The following FHL2 variants were observed in gnomAD, a reference collection of about 807,000 sequenced individuals.
FHL2 encodes four and a half LIM domains 2.
In FHL2, 20 loss-of-function variants were observed where a neutral mutation model predicts 32.7. That is an observed-to-expected ratio of 0.61 (90% CI 0.43 to 0.89). The LOEUF (loss-of-function observed/expected upper bound fraction) is 0.89, where lower values mean the gene tolerates loss of function less well. Ranked by LOEUF, FHL2 falls within the 40% of genes least tolerant of loss-of-function variation. The pLI, the probability that FHL2 is intolerant of heterozygous loss-of-function variation, is 0.00. For synonymous variants in FHL2, 123 were observed against 128.1 expected, an observed-to-expected ratio of 0.96 and a Z score of 0.27; for missense variants, 311 against 358.6, an observed-to-expected ratio of 0.87 and a Z score of 1.07.
At chr2:105,400,686 A>ATTTTTTTTTTTT (rs57296524), upstream of FHL2, among the ~76,000 whole-genome samples, 4 of 132,800 alleles carry the variant, frequency 3.0e-5, no homozygotes, top group African/African-American at 5.7e-5. Flanking sequence ...TTATATTTTA[A>ATTTTTTTTTTTT]TTTTTTTTTT....
chr2:105,368,133 T>C (rs1000891970), intron 4 of FHL2, among the ~76,000 whole-genome samples: 2 of 152,186 alleles, frequency 1.3e-5, no homozygotes, highest in African/African-American at 4.8e-5. Flanking sequence ...ATTCACCTAT[T>C]GCACACCTGA....
At chr2:105,433,179 CTTCTT>C (rs776867723) in intron 1 of FHL2, among the ~76,000 whole-genome samples, 10 of 137,794 alleles carry the variant, frequency 7.3e-5, no homozygotes, top group Non-Finnish European at 1.1e-4. Flanking sequence ...TCTTCTTCTT[CTTCTT>C]TTTTTTTTTT....
At chr2:105,426,551 C>A (rs1454300653) in intron 1 of FHL2, among the ~76,000 whole-genome samples, 2 of 152,200 alleles carry the variant, frequency 1.3e-5, no homozygotes, top group Non-Finnish European at 2.9e-5. Flanking sequence ...CCTGAGCCAG[C>A]AGTCCTGGAA....
intron 3 of FHL2, chr2:105,375,967 G>T (rs1558692454): frequency 6.6e-6 from 1 of 152,178 alleles, no homozygotes; most frequent in Non-Finnish European, 1.5e-5. Context: ...TTGAGTTGAT[G>T]TCTACACATG....
intron 2 of FHL2, among the ~76,000 whole-genome samples, chr2:105,396,218 A>G (rs1234423683): frequency 6.6e-6 from 1 of 152,208 alleles, no homozygotes; most frequent in Non-Finnish European, 1.5e-5. Context: ...AAAAAGTCCC[A>G]AGACCTGCAG....
chr2:105,437,251 T>A (rs1326850548), intron 1 of FHL2, among the ~76,000 whole-genome samples: 1 of 152,190 alleles, frequency 6.6e-6, no homozygotes, highest in Non-Finnish European at 1.5e-5. Flanking sequence ...CTCAGTTAAA[T>A]ACAAAAACTT....
At chr2:105,399,729 T>C, upstream of FHL2, 2 of 1,064,310 alleles carry the variant, frequency 1.9e-6, no homozygotes, top group Non-Finnish European at 2.6e-6. Flanking sequence ...TGACGCTGGG[T>C]AGGGACAGAT....
chr2:105,421,615 G>A (rs1362913616), intron 1 of FHL2, among the ~76,000 whole-genome samples: 3 of 152,170 alleles, frequency 2.0e-5, no homozygotes, highest in Non-Finnish European at 4.4e-5. Flanking sequence ...AATACTGTCT[G>A]CAGTTTAACA....
chr2:105,394,016 A>C (rs2104615841), intron 2 of FHL2, among the ~76,000 whole-genome samples: 1 of 152,290 alleles, frequency 6.6e-6, no homozygotes, highest in African/African-American at 2.4e-5. Flanking sequence ...GTGTCAGCAG[A>C]AGGCCCTGAT....
intron 4 of FHL2, among the ~76,000 whole-genome samples, chr2:105,372,557 G>A (rs138481844): frequency 3.9e-4 from 59 of 152,176 alleles, no homozygotes; most frequent in African/African-American, 1.3e-3. Context: ...TTTCCCATAT[G>A]TCAGTCTCTT....
intron 1 of FHL2, among the ~76,000 whole-genome samples, chr2:105,418,728 C>T (rs776928293): frequency 6.6e-6 from 1 of 152,210 alleles, no homozygotes; most frequent in African/African-American, 2.4e-5. Flanking sequence ...TCTTTCCACG[C>T]TTTCAGTTAC....
intron 1 of FHL2, among the ~76,000 whole-genome samples, chr2:105,410,191 T>C (rs1216050425): frequency 2.0e-5 from 3 of 152,144 alleles, no homozygotes; most frequent in Admixed American, 6.5e-5. Context: ...GACAGCTTTG[T>C]CCCCCAAAAG....
intron 3 of FHL2, among the ~76,000 whole-genome samples, chr2:105,380,411 A>G (rs1681804391): frequency 6.6e-6 from 1 of 152,116 alleles, no homozygotes; most frequent in Non-Finnish European, 1.5e-5. Context: ...CTATCTGTTT[A>G]GAGACAGGGG....
At chr2:105,409,551 C>G (rs948920087) in intron 1 of FHL2, among the ~76,000 whole-genome samples, 3 of 152,170 alleles carry the variant, frequency 2.0e-5, no homozygotes, top group African/African-American at 7.2e-5. Context: ...ACATAATTAA[C>G]AGCTTGGTGC....
chr2:105,393,623 G>A (rs775367016), intron 2 of FHL2, among the ~76,000 whole-genome samples: 5 of 152,210 alleles, frequency 3.3e-5, no homozygotes, highest in Non-Finnish European at 7.3e-5. Context: ...GGGGCTTTGT[G>A]AATACTTGTG....
chr2:105,398,993 C>T lies in FHL2; in HGVS notation c.-227G>A. The T allele has an allele frequency of 1.3e-6, 2 of 1,505,262 alleles. No homozygotes were observed. The highest frequency in any genetic ancestry group is 1.8e-6 in the Non-Finnish European group (2 of 1,130,564). The allele number at this position is 1,505,262 out of a possible 1,614,324, so 93.2% of individuals were successfully genotyped here. A position where few individuals can be genotyped will look rare whatever the true frequency, so the allele number is the denominator to read the frequency against. On this transcript the variant is annotated 5_prime_UTR_variant, in exon 1 of 7. Coordinates refer to ENST00000530340, the MANE Select transcript of FHL2 (RefSeq NM_001318895.3). ...ACGGCACCGCAGCGGGCCGGGGACT[C>T]CCGGACGGGGCTGGAGGGCGCGGGC...
At chr2:105,398,376 A>C (rs1683285292) in intron 1 of FHL2, among the ~76,000 whole-genome samples, 1 of 152,234 alleles carries the variant, frequency 6.6e-6, no homozygotes, top group Non-Finnish European at 1.5e-5. Flanking sequence ...TCAAGGAGCG[A>C]GGTCACACTG....
intron 2 of FHL2, among the ~76,000 whole-genome samples, chr2:105,389,617 A>C (rs555493857): frequency 3.3e-5 from 5 of 152,294 alleles, no homozygotes; most frequent in Non-Finnish European, 5.9e-5. Context: ...GGATGGAAAA[A>C]CTGAAGCCCA....
chr2:105,426,976 G>A (rs993303084), intron 1 of FHL2, among the ~76,000 whole-genome samples: 1 of 152,300 alleles, frequency 6.6e-6, no homozygotes, highest in East Asian at 1.9e-4. Flanking sequence ...AAATAGGAAG[G>A]CATTTCGTTG....
Sources: allele counts gnomAD v4.1 joint callset (sites outside exome capture counted in the v4.1 genomes callset), GRCh38; gene constraint gnomAD v4.1.1; transcripts MANE v1.5; gene names NCBI Gene and HGNC (gene_info 2026-07-23, HGNC 2026-07-21).